The following CHEK1 variants were observed in gnomAD, a reference collection of about 807,000 sequenced individuals.
The protein encoded by CHEK1 is checkpoint kinase 1.
CHEK1 carries 32 observed loss-of-function variants against 60.2 expected under a neutral mutation model. That is an observed-to-expected ratio of 0.53 (90% CI 0.40 to 0.71). The LOEUF is 0.71. CHEK1 is among the 30% of genes least tolerant of loss of function. The pLI, the probability that CHEK1 is intolerant of heterozygous loss-of-function variation, is 0.00. For missense variants in CHEK1, 399 were observed against 564.6 expected (o/e 0.71, Z 2.97); for synonymous variants, 179 against 187.2 (o/e 0.96, Z 0.36).
chr11:125,648,531 G>A lies in CHEK1; in HGVS notation c.1233+3888G>A, dbSNP rs991464932. Among the ~76,000 whole-genome samples the A allele has an allele frequency of 9.9e-5, 15 of 151,092 alleles. No individual in the cohort carries two copies. The South Asian group carries it at 1.0e-3, about 11-fold the overall frequency. On this transcript the variant is annotated intron_variant, in intron 11 of 12. Transcript: ENST00000438015. Reference sequence around the variant, plus strand: ...TGGGAGGCGGAGGTTGCAGTGAGCCGAGATGACGCCACTGCACTCCAGCCT... The same window carrying A: ...TGGGAGGCGGAGGTTGCAGTGAGCCAAGATGACGCCACTGCACTCCAGCCT...
At chr11:125,655,125 T>C (rs946137020) in intron 12 of CHEK1, 100 bp from the exon 13 acceptor site, 16 of 795,110 alleles carry the variant, frequency 2.0e-5, no homozygotes, top group Non-Finnish European at 2.4e-5. Context: ...TACCTAAAGA[T>C]GTTTGTCTCT....
chr11:125,672,333 G>A (rs1480105785), intron 13 of CHEK1: 1 of 400,778 alleles, frequency 2.5e-6, no homozygotes, highest in Non-Finnish European at 4.5e-6. Context: ...TTGAGCCTGT[G>A]TGCTTTAACC....
chr11:125,653,893 A>G lies in CHEK1; in HGVS notation c.1335+46A>G, dbSNP rs754131697. On this transcript the variant is annotated intron_variant, in intron 12 of 12. Coordinates refer to ENST00000438015, the MANE Select transcript of CHEK1 (RefSeq NM_001114122.3). This position sits in a 1 kb window ranked among gnomAD's most constrained non-coding sequence, Gnocchi z 4.3. ...ATTCTTTCTATGGAAATATTTCTAT[A>G]TGAATTTTTTTAATGGCATTATGTT... 61 of 1,191,016 alleles carry G rather than the reference A, an allele frequency of 5.1e-5. No homozygotes were observed. The highest frequency in any genetic ancestry group is 7.0e-5 in the Non-Finnish European group (59 of 837,890). 73.8% of individuals were successfully genotyped at this position (1,191,016 alleles called of 1,614,324 possible). A position where few individuals can be genotyped will look rare whatever the true frequency, so the allele number is the denominator to read the frequency against.
intron 13 of CHEK1, among the ~76,000 whole-genome samples, chr11:125,674,779 T>A (rs911318494): frequency 6.6e-5 from 10 of 152,316 alleles, no homozygotes; most frequent in African/African-American, 2.4e-4. Flanking sequence ...TTAAAATGCA[T>A]ATCATACTGT....
chr11:125,625,149 G>A (rs61612408), upstream of CHEK1: 22,168 of 223,630 alleles, frequency 0.099, 1,748 homozygotes, highest in African/African-American at 0.24. Flanking sequence ...TTAAATTTGC[G>A]TTGTAAGATT....
chr11:125,648,153 A>T (rs895638371), intron 11 of CHEK1, among the ~76,000 whole-genome samples: 5 of 150,830 alleles, frequency 3.3e-5, no homozygotes, highest in African/African-American at 7.3e-5. Context: ...GGAATTTTTT[A>T]AAATTTTATT....
chr11:125,657,717 C>G (rs1941945673), downstream of CHEK1, among the ~76,000 whole-genome samples: 1 of 152,186 alleles, frequency 6.6e-6, no homozygotes, highest in Non-Finnish European at 1.5e-5. Context: ...GAACATCCCA[C>G]TAACTATTCT....
chr11:125,626,867 G>C lies in CHEK1; in HGVS notation c.65+34G>C, dbSNP rs774338210. ...TTTTAAGCTTGCCTTCGTTTTCTGA[G>C]TGCATATTCATTGTTTTGGAGTCTC... is the stretch of plus-strand genomic sequence containing the variant. On this transcript the variant is annotated intron_variant, in intron 2 of 12. Transcript: ENST00000438015. 5.0e-6 allele frequency: 8 copies of C among 1,605,420 alleles called. No homozygotes were observed. In the East Asian group the frequency reaches 1.8e-4, roughly 36 times the overall value.
intron 7 of CHEK1, among the ~76,000 whole-genome samples, chr11:125,636,585 A>C (rs1228719886): frequency 6.6e-6 from 1 of 152,144 alleles, no homozygotes; most frequent in Non-Finnish European, 1.5e-5. Flanking sequence ...TAAGGAAAAA[A>C]ACTTTAAATA....
downstream of CHEK1, among the ~76,000 whole-genome samples, chr11:125,680,001 T>G (rs1942721560): frequency 1.3e-5 from 2 of 152,264 alleles, no homozygotes; most frequent in African/African-American, 4.8e-5. Context: ...TTCTTGATCT[T>G]ATAGTTTATG....
At chr11:125,643,975 C>G in intron 9 of CHEK1, 75 bp downstream of exon 9, 1 of 1,527,968 alleles carries the variant, frequency 6.5e-7, no homozygotes, top group Non-Finnish European at 9.0e-7. Context: ...TGTGTTTTTT[C>G]ATAATAATCG....
intron 13 of CHEK1, among the ~76,000 whole-genome samples, chr11:125,674,168 G>T (rs761223058): frequency 7.2e-5 from 11 of 152,070 alleles, no homozygotes; most frequent in Non-Finnish European, 8.8e-5. Context: ...ACCTAGTAAG[G>T]AACTATGCTA....
intron 2 of CHEK1, among the ~76,000 whole-genome samples, chr11:125,627,194 A>G (rs1413693956): frequency 6.6e-6 from 1 of 152,140 alleles, no homozygotes; most frequent in Admixed American, 6.5e-5. Flanking sequence ...TCTTAATGTC[A>G]TTGTGTACCT....
intron 5 of CHEK1, among the ~76,000 whole-genome samples, chr11:125,630,333 CAG>C (rs1940814877): frequency 7.0e-6 from 1 of 143,614 alleles, no homozygotes; most frequent in South Asian, 2.2e-4. Context: ...TTTTTTGAAA[CAG>C]AGTCTTGCTG....
At chr11:125,626,436 C>A (rs1940612494) in intron 1 of CHEK1, 1 of 452,910 alleles carries the variant, frequency 2.2e-6, no homozygotes, top group Non-Finnish European at 4.0e-6. Context: ...TCTCCCTCCT[C>A]CTTCCCCAGT....
downstream of CHEK1, among the ~76,000 whole-genome samples, chr11:125,657,347 T>A (rs1198684488): frequency 1.3e-5 from 2 of 152,040 alleles, no homozygotes; most frequent in African/African-American, 4.8e-5. Context: ...ATAAAATATG[T>A]ACACTTCAAT....
At chr11:125,667,385 A>G (rs779301103) in intron 13 of CHEK1, among the ~76,000 whole-genome samples, 13 of 151,950 alleles carry the variant, frequency 8.6e-5, no homozygotes, top group Middle Eastern at 3.2e-3. Context: ...ATTCCTCTCT[A>G]TTGTAAATGA....
chr11:125,649,890 A>G lies in CHEK1; in HGVS notation c.1234-3856A>G, dbSNP rs566564964. 52 of 152,308 alleles carry G rather than the reference A, an allele frequency of 3.4e-4. 1 individual carries two copies. The highest frequency in any genetic ancestry group is 2.0e-3 in the Admixed American group (30 of 15,296). The allele number at this position is 152,308 out of a possible 1,614,324, so 9.4% of individuals were successfully genotyped here. ...GCTTTTGTCTTTCAGCACTTTGATTATGCCACTACTGCCTTCTAGCCTTTG... is the reference window on the plus strand; with the variant it reads ...GCTTTTGTCTTTCAGCACTTTGATTGTGCCACTACTGCCTTCTAGCCTTTG... On this transcript the variant is annotated intron_variant, in intron 11 of 12. Coordinates refer to ENST00000438015, the MANE Select transcript of CHEK1 (RefSeq NM_001114122.3).
rs763207260 is a variant in CHEK1, at chr11:125,643,840, G to T, written c.863G>T (p.Ser288Ile). 2 of 1,614,032 alleles carry T rather than the reference G, an allele frequency of 1.2e-6. No homozygotes were observed. Among genetic ancestry groups the T allele is most frequent in the East Asian group, 2.2e-5 (1 of 44,880 alleles). ...TCAGGTGGTGTGTCAGAGTCTCCCA[G>T]TGGATTTTCTAAGCACATTCAATCC... ...VTSGGVSESP[S>I]GFSKHIQSNL... Residue 288 changes from serine (S) to isoleucine (I), a missense_variant, in exon 9 of 13, where the codon AGT (serine) becomes ATT (isoleucine). By Grantham distance (142) the Ser-to-Ile change is moderately radical. This residue lies in a region of CHEK1 where 370 missense variants were observed against 494.8 expected (regional missense o/e 0.75). Coordinates refer to ENST00000438015, the MANE Select transcript of CHEK1 (RefSeq NM_001114122.3).
Sources: gnomAD v4.1 joint callset for allele counts (sites outside exome capture counted in the v4.1 genomes callset) on GRCh38, gnomAD v4.1.1 for gene constraint, gnomAD v4.1.1 regional missense constraint, Gnocchi (gnomAD v3.1) non-coding constraint, MANE v1.5 for transcripts, NCBI Gene and HGNC (gene_info 2026-07-23, HGNC 2026-07-21) for gene names.